The following CDH2 variants were observed in gnomAD, a reference collection of about 807,000 sequenced individuals.
CDH2 encodes the protein cadherin-2.
Under a neutral mutation model 92.0 loss-of-function variants are expected in CDH2, and 17 were observed. The ratio of observed to expected loss-of-function variants is 0.18; its 90% CI spans 0.13 to 0.28. The LOEUF is 0.28. CDH2 is among the 10% of genes least tolerant of loss of function. The pLI is 1.00. For missense variants in CDH2, 862 were observed against 1,133.1 expected, an observed-to-expected ratio of 0.76 and a Z score of 3.44; for synonymous variants, 419 against 415.9, an observed-to-expected ratio of 1.01 and a Z score of -0.09.
intron 2 of CDH2, among the ~76,000 whole-genome samples, chr18:28,014,216 T>G (rs1000779208): frequency 5.9e-5 from 9 of 152,090 alleles, no homozygotes; most frequent in African/African-American, 2.2e-4. Context: ...TGGTATTTCC[T>G]CCCACCCTAT....
At chr18:28,111,598 C>T (rs1426788720) in intron 2 of CDH2, among the ~76,000 whole-genome samples, 2 of 152,148 alleles carry the variant, frequency 1.3e-5, no homozygotes, top group African/African-American at 2.4e-5. Flanking sequence ...ACTGAGTTCC[C>T]AGATGTCTTG....
At chr18:27,959,968 T>C (rs759681940) in intron 15 of CDH2, among the ~76,000 whole-genome samples, 5 of 151,708 alleles carry the variant, frequency 3.3e-5, no homozygotes, top group South Asian at 2.1e-4. Flanking sequence ...TTTGTTATGA[T>C]TGTGCCACTG....
intron 1 of CDH2, among the ~76,000 whole-genome samples, chr18:28,161,579 C>CAA (rs2016306775): frequency 1.0e-5 from 1 of 99,136 alleles, no homozygotes. Context: ...AACCCTGTCT[C>CAA]GAAAAAAAAA....
intron 2 of CDH2, among the ~76,000 whole-genome samples, chr18:28,017,019 T>C (rs1449610036): frequency 6.6e-6 from 1 of 152,156 alleles, no homozygotes; most frequent in East Asian, 1.9e-4. Flanking sequence ...TGTATTCTGT[T>C]ATAGCTAGTA....
chr18:28,116,519 C>T (rs957504889), intron 2 of CDH2, among the ~76,000 whole-genome samples: 2 of 152,144 alleles, frequency 1.3e-5, no homozygotes, highest in Non-Finnish European at 1.5e-5. Flanking sequence ...GAGGAAATCA[C>T]TATTTCAATA....
intron 2 of CDH2, among the ~76,000 whole-genome samples, chr18:28,052,594 T>C (rs866795846): frequency 1.3e-5 from 2 of 152,178 alleles, no homozygotes; most frequent in South Asian, 4.1e-4. Context: ...GTTACATGGG[T>C]ACGTGCATCA....
chr18:28,165,095 G>A (rs1274917904), intron 1 of CDH2, among the ~76,000 whole-genome samples: 1 of 152,176 alleles, frequency 6.6e-6, no homozygotes, highest in African/African-American at 2.4e-5. Context: ...GATTGTGTCT[G>A]TGTAAAACAA....
intron 2 of CDH2, among the ~76,000 whole-genome samples, chr18:28,135,038 C>T (rs558298686): frequency 6.6e-6 from 1 of 152,088 alleles, no homozygotes; most frequent in African/African-American, 2.4e-5. Flanking sequence ...ATCCAGACTG[C>T]GTACAGATAC....
chr18:28,001,711 G>A (rs2012771486), intron 7 of CDH2, among the ~76,000 whole-genome samples: 1 of 152,124 alleles, frequency 6.6e-6, no homozygotes. Context: ...AATGTCATAG[G>A]CATACACTAA....
chr18:27,993,433 T>C, intron 8 of CDH2, 67 bp downstream of exon 8: 1 of 1,510,418 alleles, frequency 6.6e-7, no homozygotes, highest in Non-Finnish European at 9.0e-7. Context: ...ACATTTATTA[T>C]TCATGACCAA....
intron 7 of CDH2, among the ~76,000 whole-genome samples, chr18:27,998,981 C>T (rs771085525): frequency 2.8e-4 from 42 of 152,152 alleles, no homozygotes; most frequent in Non-Finnish European, 3.7e-4. Flanking sequence ...GGAATATCTG[C>T]CCCACTGGAT....
At chr18:28,035,605 G>A (rs745865293) in intron 2 of CDH2, among the ~76,000 whole-genome samples, 1 of 151,984 alleles carries the variant, frequency 6.6e-6, no homozygotes, top group African/African-American at 2.4e-5. Context: ...AAAAGGAGAC[G>A]TATGTAACAC....
chr18:28,068,767 CAG>C (rs756778334), intron 2 of CDH2, among the ~76,000 whole-genome samples: 3 of 152,158 alleles, frequency 2.0e-5, no homozygotes, highest in African/African-American at 4.8e-5. Flanking sequence ...AGAAGATATA[CAG>C]AGTCAAGAAC....
intron 14 of CDH2, among the ~76,000 whole-genome samples, chr18:27,965,990 GAAAAAA>G (rs373927434): frequency 5.1e-5 from 3 of 58,660 alleles, no homozygotes; most frequent in African/African-American, 7.3e-5. Flanking sequence ...TGTCTAAAAG[GAAAAAA>G]AAAAAAAAAA....
chr18:28,106,132 T>C (rs774323625), intron 2 of CDH2, among the ~76,000 whole-genome samples: 1 of 152,212 alleles, frequency 6.6e-6, no homozygotes, highest in East Asian at 1.9e-4. Flanking sequence ...AAGTGTTATA[T>C]CTGGCCGGGT....
At chr18:28,014,285 C>G (rs1762234739) in intron 2 of CDH2, among the ~76,000 whole-genome samples, 1 of 152,076 alleles carries the variant, frequency 6.6e-6, no homozygotes, top group African/African-American at 2.4e-5. Flanking sequence ...CAGAACAAAC[C>G]CCCTTTTTCT....
rs183549312 is a variant in CDH2, at chr18:27,995,406, G to T, written c.1021-1769C>A. ...ATTAGAAGTGTCACTTCAGCTTAAT[G>T]CTTTCATGGTTAGTGAGAGAATTTC... On this transcript the variant is annotated intron_variant, in intron 7 of 15. Transcript: ENST00000269141. Among the ~76,000 whole-genome samples the T allele has an allele frequency of 1.4e-4, 21 of 151,522 alleles. No homozygotes were observed. In the East Asian group the frequency reaches 2.9e-3, roughly 21 times the overall value.
intron 2 of CDH2, among the ~76,000 whole-genome samples, chr18:28,145,308 T>C (rs2144322912): frequency 6.6e-6 from 1 of 152,180 alleles, no homozygotes; most frequent in Non-Finnish European, 1.5e-5. Flanking sequence ...TGGTAGAACA[T>C]GCTATGAGGT....
At chr18:27,983,873 C>T (rs1343805444) in intron 13 of CDH2, among the ~76,000 whole-genome samples, 1 of 152,170 alleles carries the variant, frequency 6.6e-6, no homozygotes, top group African/African-American at 2.4e-5. Context: ...AAACATATCC[C>T]TAGGTGCACA....
Sources: allele counts gnomAD v4.1 joint callset (sites outside exome capture counted in the v4.1 genomes callset), GRCh38; gene constraint gnomAD v4.1.1; transcripts MANE v1.5; gene names NCBI Gene and HGNC (gene_info 2026-07-23, HGNC 2026-07-21).